Variants in MYL10 observed in about 807,000 individuals in gnomAD.
MYL10 encodes the protein myosin regulatory light chain 10.
In MYL10, 18 loss-of-function variants were observed where a neutral mutation model predicts 21.9. That is an observed-to-expected ratio of 0.82 (90% CI 0.57 to 1.22). MYL10 has a LOEUF of 1.22. MYL10 is among the 50% of genes most tolerant of loss of function. MYL10 has a pLI of 0.00. For missense variants in MYL10, 225 were observed against 230.4 expected (o/e 0.98, Z 0.15); for synonymous variants, 88 against 82.8 (o/e 1.06, Z -0.34).
At chr7:101,613,804 G>A in intron 6 of MYL10, 94 bp from the exon 7 acceptor site, 1 of 1,207,728 alleles carries the variant, frequency 8.3e-7, no homozygotes. Flanking sequence ...GTGGGGGCAG[G>A]GGGACATCCT....
Position 101,616,231 on chromosome 7 carries a change from G to C in MYL10, c.522C>G (p.Val174=), listed in dbSNP as rs1796607876. ...CAGGGGAAACTTACACATCGGCCTT[G>C]ACGAAACCTTTCCCTTCAGTGTCGA... ...KVFDTEGKGF[V]KADVIKEKLM... is the part of the protein sequence containing the mutation. The change falls in exon 6 of 8, where the codon GTC becomes GTG. Residue 174 remains valine, a synonymous_variant. Transcript: ENST00000223167. 6.2e-7 allele frequency: 1 copy of C among 1,613,976 alleles called. No homozygotes were observed. Among genetic ancestry groups the C allele is most frequent in the Admixed American group, 1.7e-5 (1 of 60,008 alleles).
intron 3 of MYL10, 76 bp from the exon 4 acceptor site, chr7:101,623,148 C>A: frequency 7.2e-7 from 1 of 1,381,148 alleles, no homozygotes; most frequent in Non-Finnish European, 1.0e-6. Flanking sequence ...CGTCCTCCTG[C>A]CGACTGCTGC....
intron 5 of MYL10, among the ~76,000 whole-genome samples, chr7:101,621,349 C>T (rs551855761): frequency 1.6e-4 from 25 of 152,154 alleles, no homozygotes; most frequent in African/African-American, 2.2e-4. Flanking sequence ...TGAGGCTCCC[C>T]GATCCTTCCT....
intron 6 of MYL10, 96 bp downstream of exon 6, chr7:101,616,124 C>A: frequency 9.9e-7 from 1 of 1,010,102 alleles, no homozygotes; most frequent in Non-Finnish European, 1.5e-6. Flanking sequence ...CAGCTCCTGG[C>A]TTCTGGGAGA....
At chr7:101,628,724 G>A (rs1002177254) in intron 1 of MYL10, among the ~76,000 whole-genome samples, 1 of 152,228 alleles carries the variant, frequency 6.6e-6, no homozygotes, top group South Asian at 2.1e-4. Context: ...AGCTGCCAGG[G>A]CCGGCAGTGC....
At chr7:101,622,469 C>T (rs560806588) in intron 4 of MYL10, among the ~76,000 whole-genome samples, 8 of 152,238 alleles carry the variant, frequency 5.3e-5, no homozygotes, top group East Asian at 1.9e-4. Flanking sequence ...CTGAGGTGCA[C>T]GGGGGCTGCA....
chr7:101,626,925 A>T (rs1336211153), intron 1 of MYL10, among the ~76,000 whole-genome samples: 1 of 152,144 alleles, frequency 6.6e-6, no homozygotes, highest in Admixed American at 6.5e-5. Flanking sequence ...GGTCAGTGAG[A>T]GGCAGGATGA....
chr7:101,625,563 G>A (rs1197129440), intron 1 of MYL10, among the ~76,000 whole-genome samples: 1 of 147,566 alleles, frequency 6.8e-6, no homozygotes, highest in Non-Finnish European at 1.5e-5. Flanking sequence ...CCTGCCCCCA[G>A]CTCACTGCTG....
chr7:101,614,340 C>T lies in MYL10; in HGVS notation c.534-630G>A, dbSNP rs572696967. ...GCAGGCCTCGCTAAGGACCAATGCACATTTTCCATTATTTATGTTTCTGTG... is the reference window on the plus strand; with the variant it reads ...GCAGGCCTCGCTAAGGACCAATGCATATTTTCCATTATTTATGTTTCTGTG... On this transcript the variant is annotated intron_variant, in intron 6 of 7. Coordinates refer to ENST00000223167, the MANE Select transcript of MYL10 (RefSeq NM_138403.5). Among the ~76,000 whole-genome samples the T allele has an allele frequency of 5.9e-5, 9 of 152,350 alleles. No homozygotes were observed. The East Asian group carries it at 1.7e-3, about 29-fold the overall frequency.
intron 6 of MYL10, among the ~76,000 whole-genome samples, chr7:101,614,603 G>A (rs1219604848): frequency 2.0e-5 from 3 of 152,124 alleles, no homozygotes; most frequent in Non-Finnish European, 2.9e-5. Context: ...GGGTTACTCC[G>A]GGGGTGACTC....
chr7:101,615,618 G>A (rs533882014), intron 6 of MYL10, among the ~76,000 whole-genome samples: 1 of 144,956 alleles, frequency 6.9e-6, no homozygotes, highest in Admixed American at 7.1e-5. Context: ...TGGGCAACCT[G>A]CAGTCATTCT....
intron 6 of MYL10, among the ~76,000 whole-genome samples, chr7:101,615,603 T>A (rs978949150): frequency 7.6e-6 from 1 of 131,724 alleles, no homozygotes; most frequent in Non-Finnish European, 1.7e-5. Flanking sequence ...GTTCCCCCCC[T>A]AGCCTGGGCA....
intron 5 of MYL10, 87 bp from the exon 6 acceptor site, chr7:101,616,385 T>C: frequency 4.8e-6 from 5 of 1,043,318 alleles, no homozygotes; most frequent in Non-Finnish European, 7.4e-6. Context: ...GGGCTGGGGC[T>C]GGGGGCAAGT....
At chr7:101,622,714 G>A (rs1217709295) in intron 4 of MYL10, among the ~76,000 whole-genome samples, 1 of 152,078 alleles carries the variant, frequency 6.6e-6, no homozygotes, top group Non-Finnish European at 1.5e-5. Context: ...CTGCTTTCCT[G>A]GCCCCTCCCC....
In MYL10 at chr7:101,613,525, C is replaced by A. The variant is rs961263806; in HGVS notation, c.631G>T (p.Asp211Tyr). The A allele has an allele frequency of 9.9e-6, 16 of 1,614,030 alleles. No homozygotes were observed. The highest frequency in any genetic ancestry group is 1.4e-5 in the Non-Finnish European group (16 of 1,180,038). ...AFPPDVCGNLDYRNLCYVITH... is the reference protein window; with the variant it reads ...AFPPDVCGNLYYRNLCYVITH... ...ATGACGTAGCACAGGTTTCTGTAGT[C>A]CAGGTTGCCGCACACATCTGGGGGA... is the stretch of plus-strand genomic sequence containing the variant. Residue 211 changes from aspartate to tyrosine, a missense_variant, in exon 8 of 8, where the codon GAC becomes TAC. By Grantham distance (160) the Asp-to-Tyr change is radical (BLOSUM62 -3). Transcript: ENST00000223167.
At chr7:101,621,412 C>T (rs529444914) in intron 5 of MYL10, among the ~76,000 whole-genome samples, 16 of 152,196 alleles carry the variant, frequency 1.1e-4, no homozygotes, top group African/African-American at 3.9e-4. Context: ...TTGCCCTGCA[C>T]AGGGGTCGAC....
chr7:101,619,889 C>CAAAAA (rs60752793), intron 5 of MYL10, among the ~76,000 whole-genome samples: 21 of 102,530 alleles, frequency 2.0e-4, no homozygotes, highest in South Asian at 3.7e-4. Context: ...GACTCCGTCT[C>CAAAAA]AAAAAAAAAA....
chr7:101,617,811 C>T (rs1796626137), intron 5 of MYL10, among the ~76,000 whole-genome samples: 1 of 152,048 alleles, frequency 6.6e-6, no homozygotes, highest in South Asian at 2.1e-4. Flanking sequence ...TCTCCCCGAT[C>T]AGACTGGGTC....
intron 1 of MYL10, among the ~76,000 whole-genome samples, chr7:101,625,597 G>GCGT (rs1322742813): frequency 6.7e-6 from 1 of 149,530 alleles, no homozygotes; most frequent in Non-Finnish European, 1.5e-5. Context: ...CCAGGAGCCC[G>GCGT]CGTCGTCGAG....
Sources: gnomAD v4.1 joint callset for allele counts (sites outside exome capture counted in the v4.1 genomes callset) on GRCh38, gnomAD v4.1.1 for gene constraint, MANE v1.5 for transcripts, NCBI Gene and HGNC (gene_info 2026-07-23, HGNC 2026-07-21) for gene names.